CADPS2: variants seen among roughly 807,000 people sequenced by gnomAD.
CADPS2 encodes calcium-dependent secretion activator 2.
CADPS2 carries 93 observed loss-of-function variants against 172.5 expected under a neutral mutation model. The ratio of observed to expected loss-of-function variants is 0.54; its 90% CI spans 0.46 to 0.64. CADPS2 has a LOEUF of 0.64. Among genes scored for constraint, CADPS2 ranks in the 30% least tolerant of loss-of-function variants. The probability of loss-of-function intolerance (pLI) is 0.00; values close to 1 mark genes in which losing one functional copy is unlikely to be tolerated. For synonymous variants in CADPS2, 546 were observed against 555.2 expected (o/e 0.98, Z 0.23); for missense variants, 1,420 against 1,565.9 (o/e 0.91, Z 1.57).
At chr7:122,340,020 T>C (rs2036530391) in intron 28 of CADPS2, among the ~76,000 whole-genome samples, 1 of 152,234 alleles carries the variant, frequency 6.6e-6, no homozygotes, top group Non-Finnish European at 1.5e-5. Context: ...ATTTTCTTTT[T>C]ATCTTACATT....
intron 2 of CADPS2, chr7:122,676,596 C>A: frequency 6.5e-6 from 7 of 1,077,132 alleles, no homozygotes; most frequent in Non-Finnish European, 9.7e-6. Flanking sequence ...CACAGCATGA[C>A]TACAGAGAGA....
At chr7:122,802,346 T>A (rs1470864065) in intron 1 of CADPS2, among the ~76,000 whole-genome samples, 1 of 152,242 alleles carries the variant, frequency 6.6e-6, no homozygotes, top group African/African-American at 2.4e-5. Context: ...TGCTGTTTCC[T>A]GCCTCAGGCC....
At chr7:122,802,088 G>A (rs1469477174) in intron 1 of CADPS2, among the ~76,000 whole-genome samples, 1 of 152,068 alleles carries the variant, frequency 6.6e-6, no homozygotes, top group Admixed American at 6.6e-5. Flanking sequence ...GTCACAGCAT[G>A]TATAAAATCT....
chr7:122,524,243 T>A (rs2061030458), intron 8 of CADPS2, among the ~76,000 whole-genome samples: 1 of 152,152 alleles, frequency 6.6e-6, no homozygotes, highest in Non-Finnish European at 1.5e-5. Flanking sequence ...TATAACAAAA[T>A]GATCAAATGT....
chr7:122,761,051 AAT>A (rs1464476794), intron 1 of CADPS2, among the ~76,000 whole-genome samples: 1 of 152,166 alleles, frequency 6.6e-6, no homozygotes, highest in South Asian at 2.1e-4. Context: ...AGGTGAACAA[AAT>A]AGTCTTGTTG....
intron 11 of CADPS2, among the ~76,000 whole-genome samples, chr7:122,483,823 C>A (rs2057539985): frequency 6.6e-6 from 1 of 151,820 alleles, no homozygotes; most frequent in Non-Finnish European, 1.5e-5. Flanking sequence ...ACAAAGATAA[C>A]AAAACAATTG....
intron 9 of CADPS2, among the ~76,000 whole-genome samples, chr7:122,507,887 A>G (rs547724809): frequency 1.4e-4 from 22 of 152,164 alleles, no homozygotes; most frequent in Non-Finnish European, 2.6e-4. Flanking sequence ...TAAGGAAAAA[A>G]GAGGGATCAA....
At chr7:122,489,996 C>T in intron 11 of CADPS2, 85 bp downstream of exon 11, 2 of 1,138,954 alleles carry the variant, frequency 1.8e-6, no homozygotes, top group East Asian at 5.1e-5. Flanking sequence ...ATGATGTAAA[C>T]TATAATACTG....
chr7:122,477,485 CAGCCTGGGCTACAGAGTG>C (rs1224692696), intron 12 of CADPS2, among the ~76,000 whole-genome samples: 1 of 151,492 alleles, frequency 6.6e-6, no homozygotes, highest in Non-Finnish European at 1.5e-5. Context: ...CACTGCACTC[CAGCCTGGGCTACAGAGTG>C]AGACTCCATT....
intron 27 of CADPS2, 25 bp from the exon 28 acceptor site, chr7:122,345,706 A>G: frequency 7.2e-7 from 1 of 1,397,026 alleles, no homozygotes; most frequent in Non-Finnish European, 1.0e-6. Flanking sequence ...AAGCAGGGGG[A>G]ACAAAATAAT....
intron 7 of CADPS2, among the ~76,000 whole-genome samples, chr7:122,578,175 T>C (rs958557929): frequency 1.3e-5 from 2 of 151,720 alleles, no homozygotes; most frequent in Non-Finnish European, 1.5e-5. Flanking sequence ...ACATACATTA[T>C]GTATACCAAC....
chr7:122,496,238 T>G (rs546981130), intron 9 of CADPS2, among the ~76,000 whole-genome samples: 42 of 152,322 alleles, frequency 2.8e-4, no homozygotes, highest in Non-Finnish European at 5.0e-4. Flanking sequence ...CTCAGCTCAC[T>G]GCAACCTCCA....
At chr7:122,471,705 A>G (rs996686674) in intron 13 of CADPS2, 143 bp from the exon 14 acceptor site, 1 of 687,326 alleles carries the variant, frequency 1.5e-6, no homozygotes, top group Non-Finnish European at 2.3e-6. Context: ...TGTTTCATGA[A>G]GAGCTAATGT....
intron 24 of CADPS2, 57 bp from the exon 25 acceptor site, chr7:122,379,499 C>T (rs1220196581): frequency 1.8e-6 from 2 of 1,084,354 alleles, no homozygotes; most frequent in East Asian, 2.4e-5. Context: ...CTTTTGTCAT[C>T]AGTCATAAAT....
At chr7:122,819,317 C>T (rs1162863447) in intron 1 of CADPS2, among the ~76,000 whole-genome samples, 2 of 152,168 alleles carry the variant, frequency 1.3e-5, no homozygotes, top group East Asian at 3.9e-4. Context: ...GCAGCCACTC[C>T]CAGAGCCCCT....
At chr7:122,419,359 T>C (rs1346166637) in intron 17 of CADPS2, among the ~76,000 whole-genome samples, 1 of 152,166 alleles carries the variant, frequency 6.6e-6, no homozygotes, top group Admixed American at 6.6e-5. Flanking sequence ...CTGACAAATG[T>C]TTAGTTCTGA....
At position 122,680,867 on chromosome 7, in the gene CADPS2, T is replaced by C. The variant is rs1340914965; in HGVS notation, c.454-17298A>G. 2.6e-5 allele frequency among the ~76,000 whole-genome samples: 4 copies of C among 151,962 alleles called. No homozygotes were observed. The East Asian group carries it at 5.8e-4, about 22-fold the overall frequency. ...CGGCATTATTCACAATAGCAAAGAC[T>C]TGGAACCAACCCAAATGTCCAACAA... On this transcript the variant is annotated intron_variant, in intron 2 of 29. Coordinates refer to ENST00000449022, the MANE Select transcript of CADPS2 (RefSeq NM_017954.11).
chr7:122,407,325 C>T (rs1003431779), intron 20 of CADPS2, among the ~76,000 whole-genome samples: 1 of 152,126 alleles, frequency 6.6e-6, no homozygotes, highest in African/African-American at 2.4e-5. Context: ...TAGGAGGATG[C>T]AAATGAGAAG....
intron 2 of CADPS2, among the ~76,000 whole-genome samples, chr7:122,669,353 A>T (rs932277643): frequency 2.5e-5 from 2 of 81,436 alleles, no homozygotes; most frequent in African/African-American, 1.1e-4. Context: ...ATATATATAT[A>T]TATTTTTTTT....
Sources: gnomAD v4.1 joint callset for allele counts (sites outside exome capture counted in the v4.1 genomes callset) on GRCh38, gnomAD v4.1.1 for gene constraint, MANE v1.5 for transcripts, NCBI Gene and HGNC (gene_info 2026-07-23, HGNC 2026-07-21) for gene names.